IQCH: variants seen among roughly 807,000 people sequenced by gnomAD.
IQCH encodes the protein IQ motif containing H.
IQCH carries 98 observed loss-of-function variants against 117.0 expected under a neutral mutation model. The ratio of observed to expected loss-of-function variants is 0.84; its 90% CI spans 0.71 to 0.99. The LOEUF is 0.99. Ranked by LOEUF, IQCH falls within the 50% of genes least tolerant of loss-of-function variation. IQCH has a pLI of 0.00. For synonymous variants in IQCH, 412 were observed against 448.2 expected (o/e 0.92, Z 1.02); for missense variants, 1,102 against 1,243.8 (o/e 0.89, Z 1.72).
rs985482762 is a variant in IQCH, at chr15:67,436,479, G to A, written c.2505+14902G>A. Among the ~76,000 whole-genome samples, 5 of 152,154 alleles carry A rather than the reference G, an allele frequency of 3.3e-5. No homozygotes were observed. Among genetic ancestry groups the A allele is most frequent in the Admixed American group, 2.6e-4 (4 of 15,276 alleles). ...ACCACAGGGATCCATCAGGACGGTG[G>A]CCAGAGAAGCAGGCGGTAAATCTCC... On this transcript the variant is annotated intron_variant, in intron 16 of 20. Coordinates refer to ENST00000335894, the MANE Select transcript of IQCH (RefSeq NM_001031715.3). The surrounding 1 kb of genome is among the most constrained non-coding windows in gnomAD (Gnocchi z 5.1).
Position 67,385,052 on chromosome 15 carries a change from T to C in IQCH, c.1456+33T>C. The C allele has an allele frequency of 1.5e-6, 2 of 1,329,108 alleles. No individual in the cohort carries two copies. Among genetic ancestry groups the C allele is most frequent in the Non-Finnish European group, 2.2e-6 (2 of 923,492 alleles). The allele number at this position is 1,329,108 out of a possible 1,614,324, so 82.3% of individuals were successfully genotyped here. A position where few individuals can be genotyped will look rare whatever the true frequency, so the allele number is the denominator to read the frequency against. On this transcript the variant is annotated intron_variant, in intron 11 of 20. Coordinates refer to ENST00000335894, the MANE Select transcript of IQCH (RefSeq NM_001031715.3). This position sits in a 1 kb window ranked among gnomAD's most constrained non-coding sequence, Gnocchi z 4.6. ...AAATAGTTTTACACAAATGACTCTT[T>C]GGAATGTTTATCAGTGGATGTTGAT...
intron 17 of IQCH, among the ~76,000 whole-genome samples, chr15:67,470,256 C>T (rs558926128): frequency 3.3e-4 from 51 of 152,284 alleles, no homozygotes; most frequent in African/African-American, 1.1e-3. Flanking sequence ...CTGCAAGTTC[C>T]GCCTCACAGG....
rs2081608688 is a variant in IQCH, at chr15:67,417,600, G to GAAC, written c.2218+550_2218+551insACA. The stretch of plus-strand genomic sequence containing the variant: ...GTTTTCTACAATCCAGGAACAAAGC[G>GAAC]AGCCTCCATTCCTTTCATCCTCCTC... On this transcript the variant is annotated intron_variant, in intron 15 of 20. Coordinates refer to ENST00000335894, the MANE Select transcript of IQCH (RefSeq NM_001031715.3). This position sits in a 1 kb window ranked among gnomAD's most constrained non-coding sequence, Gnocchi z 4.3. 1.3e-5 allele frequency among the ~76,000 whole-genome samples: 2 copies of GAAC among 152,108 alleles called. No individual in the cohort carries two copies. The highest frequency in any genetic ancestry group is 4.1e-4 in the South Asian group (2 of 4,822).
chr15:67,263,172 T>C lies in IQCH; in HGVS notation c.225T>C (p.Thr75=), dbSNP rs370858896. The part of the protein sequence containing the change: ...LNVVNQNVLT[T]SVNDESLYTP... Reference sequence around the variant, plus strand: ...TTGTAAACCAGAATGTATTAACGACTTCTGTTAATGATGAGAGCTTATATA... The same window carrying C: ...TTGTAAACCAGAATGTATTAACGACCTCTGTTAATGATGAGAGCTTATATA... Residue 75 remains threonine (T), a synonymous_variant, in exon 3 of 21, where the codon ACT becomes ACC. Coordinates refer to ENST00000335894, the MANE Select transcript of IQCH (RefSeq NM_001031715.3). 13 of 1,583,440 alleles carry C rather than the reference T, an allele frequency of 8.2e-6. No individual in the cohort carries two copies. The highest frequency in any genetic ancestry group is 1.7e-5 in the Admixed American group (1 of 59,902).
At chr15:67,448,977 A>G (rs2082455605) in intron 16 of IQCH, among the ~76,000 whole-genome samples, 1 of 152,178 alleles carries the variant, frequency 6.6e-6, no homozygotes, top group South Asian at 2.1e-4. Flanking sequence ...ATGGCCAGTG[A>G]TGATGAGCAT....
intron 18 of IQCH, among the ~76,000 whole-genome samples, chr15:67,487,429 AACACAC>A (rs111875205): frequency 6.1e-5 from 9 of 148,098 alleles, no homozygotes; most frequent in African/African-American, 9.9e-5. Context: ...ACTTAAGGAA[AACACAC>A]ACACACACAC....
intron 1 of IQCH, among the ~76,000 whole-genome samples, chr15:67,259,465 G>T (rs1596045611): frequency 6.6e-6 from 1 of 152,216 alleles, no homozygotes; most frequent in Admixed American, 6.5e-5. Context: ...TGACTAATAA[G>T]TGATAGAGCT....
rs1170565542 is a variant in IQCH, at chr15:67,445,721, G to A, written c.2506-19406G>A. On this transcript the variant is annotated intron_variant, in intron 16 of 20. Coordinates refer to ENST00000335894, the MANE Select transcript of IQCH (RefSeq NM_001031715.3). The surrounding 1 kb of genome is among the most constrained non-coding windows in gnomAD (Gnocchi z 4.3). The stretch of plus-strand genomic sequence containing the variant: ...CAAAGTGCTGGGATAACAGGCGTGA[G>A]CCACCGCACCTGGCCTGTTTTTTAA... Among the ~76,000 whole-genome samples the A allele has an allele frequency of 6.6e-6, 1 of 152,184 alleles. No homozygotes were observed. The highest frequency in any genetic ancestry group is 1.5e-5 in the Non-Finnish European group (1 of 68,036).
chr15:67,357,886 CACTT>C (rs1183055774), intron 7 of IQCH, among the ~76,000 whole-genome samples: 3 of 152,060 alleles, frequency 2.0e-5, no homozygotes, highest in South Asian at 2.1e-4. Flanking sequence ...GACAGAGTCT[CACTT>C]ACTCTGTTGC....
rs371374113 is a variant in IQCH at position 67,417,075 on chromosome 15, A to G, written c.2218+24A>G. ...AGGTAAATAAGACTGTAAAGTTTCT[A>G]TTGAGGATTAGTCTACACAACCTTG... On this transcript the variant is annotated intron_variant, in intron 15 of 20. Coordinates refer to ENST00000335894, the MANE Select transcript of IQCH (RefSeq NM_001031715.3). This position sits in a 1 kb window ranked among gnomAD's most constrained non-coding sequence, Gnocchi z 4.3. The G allele has an allele frequency of 1.9e-6, 3 of 1,585,934 alleles. No homozygotes were observed. The highest frequency in any genetic ancestry group is 2.7e-5 in the African/African-American group (2 of 73,492).
chr15:67,290,222 C>A (rs1267092114), intron 4 of IQCH, among the ~76,000 whole-genome samples: 1 of 152,012 alleles, frequency 6.6e-6, no homozygotes, highest in Admixed American at 6.6e-5. Context: ...TTTTCAGTAC[C>A]TGAATGATTA....
Position 67,436,911 on chromosome 15 carries a change from A to C in IQCH, c.2505+15334A>C, listed in dbSNP as rs2082151424. Among the ~76,000 whole-genome samples, 1 of 151,998 alleles carries C rather than the reference A, an allele frequency of 6.6e-6. No individual in the cohort carries two copies. Among genetic ancestry groups the C allele is most frequent in the Non-Finnish European group, 1.5e-5 (1 of 67,982 alleles). On this transcript the variant is annotated intron_variant, in intron 16 of 20. Coordinates refer to ENST00000335894, the MANE Select transcript of IQCH (RefSeq NM_001031715.3). The surrounding 1 kb of genome is among the most constrained non-coding windows in gnomAD (Gnocchi z 5.1). ...GCTGCAGCAAGATCTGCCCAAGGGG[A>C]GTCTGAGCTCAGACACGCGTAGCCC...
rs1228329783 is a variant in IQCH at position 67,391,983 on chromosome 15, C to T, written c.1632+2977C>T. ...GCATCTGCCATCCCCCTTCACATCT[C>T]AAAAACCCACCAGATCTTTACTACT... is the stretch of plus-strand genomic sequence containing the variant. On this transcript the variant is annotated intron_variant, in intron 12 of 20. Coordinates refer to ENST00000335894, the MANE Select transcript of IQCH (RefSeq NM_001031715.3). The surrounding 1 kb of genome is among the most constrained non-coding windows in gnomAD (Gnocchi z 4.3). Among the ~76,000 whole-genome samples, 4 of 152,156 alleles carry T rather than the reference C, an allele frequency of 2.6e-5. No individual in the cohort carries two copies. The highest frequency in any genetic ancestry group is 9.7e-5 in the African/African-American group (4 of 41,442).
At position 67,473,799 on chromosome 15, in the gene IQCH, G is replaced by A. The variant is rs569750655; in HGVS notation, c.2677-1897G>A. Among the ~76,000 whole-genome samples, 16 of 152,204 alleles carry A rather than the reference G, an allele frequency of 1.1e-4. No individual in the cohort carries two copies. The South Asian group carries it at 3.1e-3, about 30-fold the overall frequency. ...AGAGTACAGTAGTGAGGCATATGAG[G>A]ATCAAATCAATTTTCTGTTGTTAGA... On this transcript the variant is annotated intron_variant, in intron 17 of 20. Coordinates refer to ENST00000335894, the MANE Select transcript of IQCH (RefSeq NM_001031715.3). This position sits in a 1 kb window ranked among gnomAD's most constrained non-coding sequence, Gnocchi z 4.9.
intron 6 of IQCH, among the ~76,000 whole-genome samples, chr15:67,345,953 G>T (rs1162068510): frequency 6.6e-6 from 1 of 152,040 alleles, no homozygotes; most frequent in Admixed American, 6.5e-5. Context: ...CAACTTTTCT[G>T]TATCTAAAAT....
In IQCH at chr15:67,455,041, A is replaced by G. The variant is rs181163141; in HGVS notation, c.2506-10086A>G. On this transcript the variant is annotated intron_variant, in intron 16 of 20. Transcript: ENST00000335894. ...TCACTAGCAGTATATAAGGGTCCCA[A>G]TTTCTCCATATCTTTGCCAACACTT... 3.3e-4 allele frequency among the ~76,000 whole-genome samples: 51 copies of G among 152,260 alleles called. 1 individual carries two copies. The highest frequency in any genetic ancestry group is 1.7e-3 in the Admixed American group (26 of 15,294).
At chr15:67,275,962 G>A (rs976557585) in intron 3 of IQCH, among the ~76,000 whole-genome samples, 10 of 152,180 alleles carry the variant, frequency 6.6e-5, no homozygotes, top group African/African-American at 2.2e-4. Flanking sequence ...ATTAATGTCT[G>A]TATAAGTATG....
At chr15:67,471,892 T>C (rs1193381373) in intron 17 of IQCH, among the ~76,000 whole-genome samples, 1 of 152,232 alleles carries the variant, frequency 6.6e-6, no homozygotes, top group African/African-American at 2.4e-5. Flanking sequence ...GTAAGTATTA[T>C]TCTAATGCAT....
chr15:67,326,254 C>G (rs561686995), intron 4 of IQCH, among the ~76,000 whole-genome samples: 85 of 152,228 alleles, frequency 5.6e-4, no homozygotes, highest in African/African-American at 1.9e-3. Context: ...TGCTCAGAAT[C>G]ATGGTTTCCA....
Sources: allele counts gnomAD v4.1 joint callset (sites outside exome capture counted in the v4.1 genomes callset), GRCh38; gene constraint gnomAD v4.1.1; non-coding constraint Gnocchi (gnomAD v3.1); transcripts MANE v1.5; gene names NCBI Gene and HGNC (gene_info 2026-07-23, HGNC 2026-07-21).